The following CSMD1 variants were observed in gnomAD, a reference collection of about 807,000 sequenced individuals.
CSMD1 encodes the protein CUB and sushi domain-containing protein 1.
In CSMD1, 213 loss-of-function variants were observed where a neutral mutation model predicts 417.5. The ratio of observed to expected loss-of-function variants is 0.51; its 90% CI spans 0.46 to 0.57. The LOEUF (loss-of-function observed/expected upper bound fraction) is 0.57, where lower values mean the gene tolerates loss of function less well. Among genes scored for constraint, CSMD1 ranks in the 20% least tolerant of loss-of-function variants. The pLI is 0.00. For synonymous variants in CSMD1, 2,862 were observed against 1,736.8 expected, an observed-to-expected ratio of 1.65 and a Z score of -16.11; for missense variants, 6,923 against 4,529.7, an observed-to-expected ratio of 1.53 and a Z score of -15.17.
chr8:3,171,741 C>T (rs140953466), intron 37 of CSMD1, among the ~76,000 whole-genome samples: 174 of 152,288 alleles, frequency 1.1e-3, no homozygotes, highest in East Asian at 6.4e-3. Flanking sequence ...CAAGTGAGCA[C>T]AACTTGTCAA....
chr8:4,733,772 C>T (rs925164257), intron 1 of CSMD1, among the ~76,000 whole-genome samples: 1 of 152,132 alleles, frequency 6.6e-6, no homozygotes, highest in Non-Finnish European at 1.5e-5. Context: ...ACAAACTTAA[C>T]AACAACGACA....
intron 3 of CSMD1, among the ~76,000 whole-genome samples, chr8:4,220,130 C>T (rs1563293586): frequency 6.6e-6 from 1 of 151,908 alleles, no homozygotes; most frequent in South Asian, 2.1e-4. Flanking sequence ...TTTGTATTTT[C>T]AGTAGAGACA....
At chr8:3,659,075 T>G (rs1434403786) in intron 7 of CSMD1, among the ~76,000 whole-genome samples, 3 of 152,196 alleles carry the variant, frequency 2.0e-5, no homozygotes, top group Non-Finnish European at 4.4e-5. Context: ...AGTTCTAATT[T>G]CCGAAATGGT....
At chr8:3,400,784 T>C (rs1404189622) in intron 15 of CSMD1, among the ~76,000 whole-genome samples, 1 of 151,398 alleles carries the variant, frequency 6.6e-6, no homozygotes, top group African/African-American at 2.4e-5. Context: ...GGGATTGCTT[T>C]ATAGATCATA....
At chr8:4,850,793 T>G (rs928014767) in intron 1 of CSMD1, among the ~76,000 whole-genome samples, 1 of 152,068 alleles carries the variant, frequency 6.6e-6, no homozygotes, top group Non-Finnish European at 1.5e-5. Flanking sequence ...GCCTATTATT[T>G]TACCCAAACT....
chr8:4,393,522 G>C (rs1260026036), intron 3 of CSMD1, among the ~76,000 whole-genome samples: 1 of 152,112 alleles, frequency 6.6e-6, no homozygotes, highest in East Asian at 1.9e-4. Flanking sequence ...ATACATCCTA[G>C]GCCCAGTTTC....
At chr8:3,824,552 C>G (rs1442439828) in intron 5 of CSMD1, among the ~76,000 whole-genome samples, 1 of 152,134 alleles carries the variant, frequency 6.6e-6, no homozygotes, top group Non-Finnish European at 1.5e-5. Flanking sequence ...ACATGCACTG[C>G]AAGGGCAAAA....
intron 3 of CSMD1, among the ~76,000 whole-genome samples, chr8:4,336,716 T>G (rs1466540515): frequency 6.6e-6 from 1 of 152,120 alleles, no homozygotes; most frequent in Non-Finnish European, 1.5e-5. Context: ...GTGTATTCTT[T>G]CTAGGATCCA....
At chr8:3,513,390 G>A (rs1033057626) in intron 10 of CSMD1, among the ~76,000 whole-genome samples, 2 of 151,146 alleles carry the variant, frequency 1.3e-5, no homozygotes, top group Non-Finnish European at 2.9e-5. Flanking sequence ...GGCTGGTGTG[G>A]AGTGGTGCTC....
intron 37 of CSMD1, among the ~76,000 whole-genome samples, chr8:3,167,577 T>C (rs868759439): frequency 4.8e-4 from 73 of 152,366 alleles, no homozygotes; most frequent in African/African-American, 1.7e-3. Flanking sequence ...TCAATTCCAA[T>C]GTTAAAATTT....
chr8:3,759,986 G>T (rs528494579), intron 5 of CSMD1, among the ~76,000 whole-genome samples: 9 of 151,610 alleles, frequency 5.9e-5, no homozygotes, highest in Non-Finnish European at 8.8e-5. Context: ...AATTCAGAGC[G>T]CACTGACCAT....
chr8:3,420,046 C>A (rs1813390343), intron 12 of CSMD1, among the ~76,000 whole-genome samples: 1 of 152,156 alleles, frequency 6.6e-6, no homozygotes, highest in African/African-American at 2.4e-5. Flanking sequence ...AAATAGAGCC[C>A]AGGGTATATT....
intron 3 of CSMD1, among the ~76,000 whole-genome samples, chr8:4,097,537 C>T (rs1801082783): frequency 6.6e-6 from 1 of 152,120 alleles, no homozygotes; most frequent in Non-Finnish European, 1.5e-5. Context: ...TCAGATTCAC[C>T]TCAAGACAGA....
At chr8:4,705,063 G>C (rs1269389602) in intron 1 of CSMD1, among the ~76,000 whole-genome samples, 1 of 152,130 alleles carries the variant, frequency 6.6e-6, no homozygotes, top group African/African-American at 2.4e-5. Context: ...TAGTGGGTGA[G>C]TTCTCATCAG....
intron 42 of CSMD1, among the ~76,000 whole-genome samples, chr8:3,110,842 G>C (rs17390567): frequency 0.11 from 17,229 of 152,218 alleles, 1,083 homozygotes; most frequent in Non-Finnish European, 0.14. Flanking sequence ...TGCAATGTAA[G>C]ATTATGTAAG....
chr8:3,631,862 C>G (rs1000876155), intron 7 of CSMD1, among the ~76,000 whole-genome samples: 1 of 152,032 alleles, frequency 6.6e-6, no homozygotes, highest in African/African-American at 2.4e-5. Context: ...ACGTGAATTC[C>G]CCCCTGGTCC....
At chr8:4,014,103 C>G (rs1796406123) in intron 4 of CSMD1, among the ~76,000 whole-genome samples, 1 of 152,146 alleles carries the variant, frequency 6.6e-6, no homozygotes, top group South Asian at 2.1e-4. Flanking sequence ...CCCTCAAACT[C>G]AGCAAATTAA....
chr8:3,515,908 A>T (rs1473714941), intron 10 of CSMD1, among the ~76,000 whole-genome samples: 1 of 152,232 alleles, frequency 6.6e-6, no homozygotes, highest in Non-Finnish European at 1.5e-5. Flanking sequence ...GTTTGGTTAC[A>T]GCAGAAGGCT....
intron 5 of CSMD1, among the ~76,000 whole-genome samples, chr8:3,869,606 A>T (rs1314433480): frequency 1.3e-5 from 2 of 152,178 alleles, no homozygotes; most frequent in African/African-American, 4.8e-5. Context: ...AGTGAGAGAA[A>T]ACATGCACTT....
Sources: gnomAD v4.1 joint callset for allele counts (sites outside exome capture counted in the v4.1 genomes callset) on GRCh38, gnomAD v4.1.1 for gene constraint, MANE v1.5 for transcripts, NCBI Gene and HGNC (gene_info 2026-07-23, HGNC 2026-07-21) for gene names.